AKAP6: variants seen among roughly 807,000 people sequenced by gnomAD.
AKAP6 encodes the protein A-kinase anchoring protein 6.
AKAP6 carries 58 observed loss-of-function variants against 188.5 expected under a neutral mutation model. The observed-to-expected ratio is 0.31, with a 90% CI of 0.25 to 0.38. The LOEUF (loss-of-function observed/expected upper bound fraction) is 0.38, where lower values mean the gene tolerates loss of function less well. Among genes scored for constraint, AKAP6 ranks in the 10% least tolerant of loss-of-function variants. The probability of loss-of-function intolerance (pLI) is 1.00; values close to 1 mark genes in which losing one functional copy is unlikely to be tolerated. For missense variants in AKAP6, 2,710 were observed against 2,740.0 expected, an observed-to-expected ratio of 0.99 and a Z score of 0.24; for synonymous variants, 989 against 998.6, an observed-to-expected ratio of 0.99 and a Z score of 0.18.
intron 2 of AKAP6, among the ~76,000 whole-genome samples, chr14:32,487,249 G>A (rs948891310): frequency 6.6e-6 from 1 of 152,162 alleles, no homozygotes; most frequent in Non-Finnish European, 1.5e-5. Context: ...TCACATCAAT[G>A]TTCATCAAAG....
At chr14:32,445,583 G>A (rs1890728273) in intron 2 of AKAP6, among the ~76,000 whole-genome samples, 1 of 151,950 alleles carries the variant, frequency 6.6e-6, no homozygotes, top group Non-Finnish European at 1.5e-5. Flanking sequence ...TGCCATGTTG[G>A]CCAGGCTGGT....
At chr14:32,452,010 C>CTT (rs1721537864) in intron 2 of AKAP6, among the ~76,000 whole-genome samples, 2 of 95,770 alleles carry the variant, frequency 2.1e-5, no homozygotes, top group Admixed American at 1.2e-4. Flanking sequence ...CTTTTCTTTA[C>CTT]ATTTTTTTTT....
At chr14:32,396,948 A>G (rs1250142776) in intron 1 of AKAP6, among the ~76,000 whole-genome samples, 1 of 152,218 alleles carries the variant, frequency 6.6e-6, no homozygotes, top group South Asian at 2.1e-4. Flanking sequence ...CAAACAGACA[A>G]ACAAAAACAC....
chr14:32,805,983 A>G (rs1009891418), intron 12 of AKAP6, among the ~76,000 whole-genome samples: 2 of 152,220 alleles, frequency 1.3e-5, no homozygotes, highest in African/African-American at 2.4e-5. Context: ...TATTCTTCCT[A>G]TAGCCTTAGT....
intron 7 of AKAP6, among the ~76,000 whole-genome samples, chr14:32,636,647 G>T (rs1887503553): frequency 6.6e-6 from 1 of 152,040 alleles, no homozygotes; most frequent in Non-Finnish European, 1.5e-5. Context: ...GAAAGGGTGT[G>T]CTGGAATCAA....
At position 32,451,182 on chromosome 14, in the gene AKAP6, G is replaced by T. The variant is rs531786927; in HGVS notation, c.324+17365G>T. On this transcript the variant is annotated intron_variant, in intron 2 of 13. Coordinates refer to ENST00000280979, the MANE Select transcript of AKAP6 (RefSeq NM_004274.5). ...TCAAGACTAAATTTTATACTGGCTG[G>T]TATACAAGAAAATAAGATATTTTGT... Among the ~76,000 whole-genome samples the T allele has an allele frequency of 7.2e-5, 11 of 152,220 alleles. No individual in the cohort carries two copies. In the South Asian group the frequency reaches 2.3e-3, roughly 32 times the overall value.
At chr14:32,775,169 G>A (rs539247757) in intron 12 of AKAP6, among the ~76,000 whole-genome samples, 1 of 152,090 alleles carries the variant, frequency 6.6e-6, no homozygotes, top group Non-Finnish European at 1.5e-5. Context: ...TATTTAGCTG[G>A]CATGTTTTTT....
intron 1 of AKAP6, among the ~76,000 whole-genome samples, chr14:32,334,752 G>A (rs970531853): frequency 8.5e-5 from 13 of 152,074 alleles, no homozygotes; most frequent in Non-Finnish European, 1.5e-4. Flanking sequence ...AGCACATACC[G>A]GTCAGTAATT....
At chr14:32,787,137 C>T (rs1377793490) in intron 12 of AKAP6, among the ~76,000 whole-genome samples, 2 of 152,146 alleles carry the variant, frequency 1.3e-5, no homozygotes, top group East Asian at 1.9e-4. Context: ...CCAATTACCA[C>T]ATTTTAATTA....
At chr14:32,656,374 C>T (rs1487429783) in intron 7 of AKAP6, among the ~76,000 whole-genome samples, 1 of 152,136 alleles carries the variant, frequency 6.6e-6, no homozygotes, top group Non-Finnish European at 1.5e-5. Flanking sequence ...GAGTATTTTG[C>T]TCACTTTCAT....
Position 32,511,372 on chromosome 14 carries a change from G to GT in AKAP6, c.325-24164dup, listed in dbSNP as rs11365498. ...GAAATCATCTACTGCTACCTTCTTG[G>GT]TTTTTTTTTTTTTTTTTTGAGACGG... On this transcript the variant is annotated intron_variant, in intron 2 of 13. Transcript: ENST00000280979. 2.7e-3 allele frequency among the ~76,000 whole-genome samples: 299 copies of GT among 109,312 alleles called. 3 individuals carry two copies. Among genetic ancestry groups the GT allele is most frequent in the African/African-American group, 6.5e-3 (188 of 28,942 alleles). The allele number at this position is 109,312 out of a possible 152,430, so 71.7% of individuals were successfully genotyped here.
Position 32,518,424 on chromosome 14 carries a change from C to T in AKAP6, c.325-17130C>T, listed in dbSNP as rs1428076591. On this transcript the variant is annotated intron_variant, in intron 2 of 13. Transcript: ENST00000280979. Reference sequence around the variant, plus strand: ...GCTAAAGGAGGATGTTTGAACCCATCGCAAAGAAGATAAAAACCTTGAAAA... The same window carrying T: ...GCTAAAGGAGGATGTTTGAACCCATTGCAAAGAAGATAAAAACCTTGAAAA... Among the ~76,000 whole-genome samples, 7 of 152,058 alleles carry T rather than the reference C, an allele frequency of 4.6e-5. No homozygotes were observed. The East Asian group carries it at 5.8e-4, about 13-fold the overall frequency.
chr14:32,478,814 G>A (rs371725190), intron 2 of AKAP6, among the ~76,000 whole-genome samples: 1 of 152,186 alleles, frequency 6.6e-6, no homozygotes, highest in African/African-American at 2.4e-5. Flanking sequence ...GTTAGTGTGA[G>A]ATAGGAAATG....
chr14:32,677,620 T>G (rs1205703075), intron 7 of AKAP6, among the ~76,000 whole-genome samples: 2 of 152,226 alleles, frequency 1.3e-5, no homozygotes, highest in African/African-American at 2.4e-5. Flanking sequence ...AAATAAAGCA[T>G]CTATTCAATA....
chr14:32,540,000 A>G (rs139051564), intron 3 of AKAP6, among the ~76,000 whole-genome samples: 1 of 151,928 alleles, frequency 6.6e-6, no homozygotes, highest in East Asian at 1.9e-4. Flanking sequence ...GTGGCGAAAC[A>G]TAGTGTTAAC....
At chr14:32,344,210 T>A (rs10142935) in intron 1 of AKAP6, among the ~76,000 whole-genome samples, 1 of 152,180 alleles carries the variant, frequency 6.6e-6, no homozygotes, top group Non-Finnish European at 1.5e-5. Context: ...GATCCATCCA[T>A]ACAGTGTTGT....
rs569522319 is a variant in AKAP6 at position 32,832,816 on chromosome 14, A to G, written c.*3011A>G. 1 of 152,746 alleles carries G rather than the reference A, an allele frequency of 6.5e-6. No individual in the cohort carries two copies. The highest frequency in any genetic ancestry group is 2.1e-4 in the South Asian group (1 of 4,834). 9.5% of individuals were successfully genotyped at this position (152,746 alleles called of 1,614,324 possible). A position where few individuals can be genotyped will look rare whatever the true frequency, so the allele number is the denominator to read the frequency against. On this transcript the variant is annotated 3_prime_UTR_variant, in exon 14 of 14. Coordinates refer to ENST00000280979, the MANE Select transcript of AKAP6 (RefSeq NM_004274.5). ...CTCATGGCAACCCTGAAGATAATCA[A>G]GGCCAGTTACTCATCATCTCCCAAC...
Position 32,823,614 on chromosome 14 carries a change from A to T in AKAP6, c.5801A>T (p.Lys1934Met). 1 of 1,613,888 alleles carries T rather than the reference A, an allele frequency of 6.2e-7. No homozygotes were observed. The highest frequency in any genetic ancestry group is 8.5e-7 in the Non-Finnish European group (1 of 1,179,908). Residue 1934 changes from lysine (K) to methionine (M), a missense_variant, in exon 13 of 14, where the codon AAG (lysine) becomes ATG (methionine). Coordinates refer to ENST00000280979, the MANE Select transcript of AKAP6 (RefSeq NM_004274.5). ...GAGATTTCAGAGAGTGAGCATTGTA[A>T]GTGTAAAGCACTTATGGATAGTTTA... is the stretch of plus-strand genomic sequence containing the variant. ...GKEISESEHC[K>M]CKALMDSLDD...
At chr14:32,332,339 A>G (rs1886559644) in intron 1 of AKAP6, among the ~76,000 whole-genome samples, 1 of 152,080 alleles carries the variant, frequency 6.6e-6, no homozygotes, top group African/African-American at 2.4e-5. Context: ...CTAATTGGAA[A>G]ATCAGATTTC....
Sources: allele counts gnomAD v4.1 joint callset (sites outside exome capture counted in the v4.1 genomes callset), GRCh38; gene constraint gnomAD v4.1.1; transcripts MANE v1.5; gene names NCBI Gene and HGNC (gene_info 2026-07-23, HGNC 2026-07-21).